The following RCAN2 variants were observed in gnomAD, a reference collection of about 807,000 sequenced individuals.
The protein encoded by RCAN2 is regulator of calcineurin 2, also known as calcipressin-2.
Under a neutral mutation model 23.6 loss-of-function variants are expected in RCAN2, and 9 were observed. That is an observed-to-expected ratio of 0.38 (90% CI 0.23 to 0.67). The LOEUF is 0.67. RCAN2 is among the 30% of genes least tolerant of loss of function. The probability of loss-of-function intolerance (pLI) is 0.51; values close to 1 mark genes in which losing one functional copy is unlikely to be tolerated. For missense variants in RCAN2, 273 were observed against 302.3 expected (o/e 0.90, Z 0.72); for synonymous variants, 109 against 115.7 (o/e 0.94, Z 0.37).
chr6:46,470,766 T>C (rs1346298398), intron 1 of RCAN2, among the ~76,000 whole-genome samples: 2 of 152,248 alleles, frequency 1.3e-5, no homozygotes, highest in Non-Finnish European at 2.9e-5. Context: ...CACTTAAAAA[T>C]GTAATAAGGG....
In RCAN2 at chr6:46,482,180, G is replaced by A. The variant is rs143281866; in HGVS notation, c.-3+8993C>T. Among the ~76,000 whole-genome samples the A allele has an allele frequency of 7.1e-3, 1,081 of 152,068 alleles. 12 individuals are homozygous for A. The highest frequency in any genetic ancestry group is 0.025 in the African/African-American group (1,031 of 41,480). Reference sequence around the variant, plus strand: ...TCTAGATAAAGAACCAAGGTTAGATGCTCATCAACTGACCTCAAATTACTA... The same window carrying A: ...TCTAGATAAAGAACCAAGGTTAGATACTCATCAACTGACCTCAAATTACTA... On this transcript the variant is annotated intron_variant, in intron 1 of 4. Coordinates refer to ENST00000371374, the MANE Select transcript of RCAN2 (RefSeq NM_001251974.2).
chr6:46,337,787 A>C (rs1293052586), intron 2 of RCAN2, among the ~76,000 whole-genome samples: 1 of 152,160 alleles, frequency 6.6e-6, no homozygotes, highest in Non-Finnish European at 1.5e-5. Context: ...TCTAAAGCTG[A>C]TTCCCAGGAC....
chr6:46,426,624 A>G (rs1299593825), intron 2 of RCAN2, among the ~76,000 whole-genome samples: 1 of 152,208 alleles, frequency 6.6e-6, no homozygotes, highest in African/African-American at 2.4e-5. Flanking sequence ...AGAATGAAAA[A>G]CTAAAATGCC....
At chr6:46,343,694 A>G (rs1385650413) in intron 2 of RCAN2, among the ~76,000 whole-genome samples, 3 of 152,208 alleles carry the variant, frequency 2.0e-5, no homozygotes, top group Non-Finnish European at 4.4e-5. Flanking sequence ...ATTTGATAGT[A>G]TCTTTAAAAG....
chr6:46,457,862 C>T (rs2150433456), intron 1 of RCAN2, among the ~76,000 whole-genome samples: 1 of 152,234 alleles, frequency 6.6e-6, no homozygotes, highest in South Asian at 2.1e-4. Flanking sequence ...ATTATTTTTT[C>T]ACCCCTTATA....
intron 1 of RCAN2, among the ~76,000 whole-genome samples, chr6:46,467,490 T>C (rs1343172299): frequency 1.3e-5 from 2 of 152,218 alleles, no homozygotes; most frequent in African/African-American, 4.8e-5. Flanking sequence ...CATCTTAAGT[T>C]CTCAACAGAG....
intron 4 of RCAN2, among the ~76,000 whole-genome samples, chr6:46,243,380 T>C (rs1489650162): frequency 1.3e-5 from 2 of 152,172 alleles, no homozygotes; most frequent in African/African-American, 4.8e-5. Flanking sequence ...AGCTGTTCCA[T>C]GGACACAATA....
intron 2 of RCAN2, among the ~76,000 whole-genome samples, chr6:46,340,461 A>G (rs1395121446): frequency 6.6e-6 from 1 of 152,134 alleles, no homozygotes; most frequent in Non-Finnish European, 1.5e-5. Context: ...TGGCCAATGG[A>G]GTGGGAGCAG....
At position 46,468,712 on chromosome 6, in the gene RCAN2, T is replaced by G. The variant is rs1167939052; in HGVS notation, c.-2-11734A>C. 4.7e-6 allele frequency: 3 copies of G among 631,842 alleles called. No homozygotes were observed. The African/African-American group carries it at 6.0e-5, about 13-fold the overall frequency. 39.1% of individuals were successfully genotyped at this position (631,842 alleles called of 1,614,324 possible). A position where few individuals can be genotyped will look rare whatever the true frequency, so the allele number is the denominator to read the frequency against. On this transcript the variant is annotated intron_variant, in intron 1 of 4. Transcript: ENST00000371374. ...TGCTGTGCTGACGAGACAAATGGAA[T>G]GTAATACCCTCAGATTCCCTCTCTC...
At chr6:46,287,387 G>T in intron 2 of RCAN2, among the ~76,000 whole-genome samples, 1 of 152,202 alleles carries the variant, frequency 6.6e-6, no homozygotes, top group East Asian at 1.9e-4. Context: ...ACTTTGTGAA[G>T]GAAGATGGAT....
At chr6:46,251,801 T>C (rs1027693751) in intron 2 of RCAN2, among the ~76,000 whole-genome samples, 4 of 152,064 alleles carry the variant, frequency 2.6e-5, no homozygotes, top group African/African-American at 4.8e-5. Context: ...TGATCCTCAA[T>C]AGAAGGCTCC....
chr6:46,230,318 T>C (rs1280954544), intron 4 of RCAN2, among the ~76,000 whole-genome samples: 1 of 152,202 alleles, frequency 6.6e-6, no homozygotes, highest in African/African-American at 2.4e-5. Flanking sequence ...GACAGGGATG[T>C]GCAAGTCTGA....
chr6:46,485,835 C>G (rs1297974048), intron 1 of RCAN2, among the ~76,000 whole-genome samples: 4 of 152,192 alleles, frequency 2.6e-5, no homozygotes, highest in Admixed American at 1.3e-4. Context: ...CTGATCAGCT[C>G]TGGCCTGACC....
chr6:46,365,532 GA>G (rs1275407363), intron 2 of RCAN2, among the ~76,000 whole-genome samples: 99 of 152,064 alleles, frequency 6.5e-4, no homozygotes, highest in African/African-American at 2.1e-3. Context: ...AGAAAAAAAA[GA>G]GAAATTGTCT....
chr6:46,424,908 T>C (rs1766992453), intron 2 of RCAN2, among the ~76,000 whole-genome samples: 1 of 152,222 alleles, frequency 6.6e-6, no homozygotes, highest in South Asian at 2.1e-4. Context: ...GATACTGTTA[T>C]AAGCCCTGGG....
intron 2 of RCAN2, among the ~76,000 whole-genome samples, chr6:46,372,907 G>T (rs1765358696): frequency 2.0e-5 from 3 of 152,232 alleles, no homozygotes; most frequent in African/African-American, 7.2e-5. Context: ...GATCTGGAAG[G>T]AGAATTAGAG....
intron 2 of RCAN2, among the ~76,000 whole-genome samples, chr6:46,309,266 C>T (rs1473399744): frequency 6.6e-6 from 1 of 152,188 alleles, no homozygotes; most frequent in Non-Finnish European, 1.5e-5. Flanking sequence ...ATGCTTAAGT[C>T]TTGCCCATGC....
intron 1 of RCAN2, among the ~76,000 whole-genome samples, chr6:46,461,006 T>C (rs1050302037): frequency 3.3e-5 from 5 of 152,214 alleles, no homozygotes; most frequent in Admixed American, 2.0e-4. Context: ...TAAAATTTAA[T>C]AATCTGTGGA....
At chr6:46,384,937 C>T (rs1765703224) in intron 2 of RCAN2, among the ~76,000 whole-genome samples, 1 of 152,024 alleles carries the variant, frequency 6.6e-6, no homozygotes, top group South Asian at 2.1e-4. Context: ...ATTTAAAGCA[C>T]TGAAAAAATA....
Sources: allele counts gnomAD v4.1 joint callset (sites outside exome capture counted in the v4.1 genomes callset), GRCh38; gene constraint gnomAD v4.1.1; transcripts MANE v1.5; gene names NCBI Gene and HGNC (gene_info 2026-07-23, HGNC 2026-07-21).